GPC6: variants seen among roughly 807,000 people sequenced by gnomAD.
GPC6 encodes the protein glypican 6.
A neutral mutation model predicts 55.2 loss-of-function variants in GPC6; 14 were observed. The observed-to-expected ratio is 0.25, with a 90% confidence interval of 0.17 to 0.40. The LOEUF (loss-of-function observed/expected upper bound fraction) is 0.40, where lower values mean the gene tolerates loss of function less well. Ranked by LOEUF, GPC6 falls within the 10% of genes least tolerant of loss-of-function variation. The probability of loss-of-function intolerance (pLI) is 1.00; values close to 1 mark genes in which losing one functional copy is unlikely to be tolerated. For missense variants in GPC6, 641 were observed against 708.5 expected, an observed-to-expected ratio of 0.90 and a Z score of 1.08; for synonymous variants, 278 against 259.6, an observed-to-expected ratio of 1.07 and a Z score of -0.68.
At chr13:93,997,422 A>C (rs956346035) in intron 3 of GPC6, among the ~76,000 whole-genome samples, 1 of 152,186 alleles carries the variant, frequency 6.6e-6, no homozygotes, top group African/African-American at 2.4e-5. Flanking sequence ...ATTAGTCCCA[A>C]CATAAAATAA....
chr13:93,513,601 A>G (rs1881067329), intron 1 of GPC6, among the ~76,000 whole-genome samples: 1 of 152,190 alleles, frequency 6.6e-6, no homozygotes, highest in African/African-American at 2.4e-5. Flanking sequence ...CTAAAATAAA[A>G]GCCTGGATTT....
chr13:93,524,354 G>A (rs1881565658), intron 1 of GPC6, among the ~76,000 whole-genome samples: 1 of 152,042 alleles, frequency 6.6e-6, no homozygotes, highest in Admixed American at 6.6e-5. Context: ...AACATTGGAA[G>A]TAAGTTGCTT....
At chr13:93,256,477 A>C (rs1022439109) in intron 1 of GPC6, among the ~76,000 whole-genome samples, 2 of 152,118 alleles carry the variant, frequency 1.3e-5, no homozygotes, top group East Asian at 3.9e-4. Flanking sequence ...TATTTGGTAT[A>C]TTTGATTAGT....
At chr13:93,903,008 G>A (rs1190877089) in intron 3 of GPC6, among the ~76,000 whole-genome samples, 6 of 152,142 alleles carry the variant, frequency 3.9e-5, no homozygotes, top group Non-Finnish European at 7.4e-5. Context: ...AAATTGTGCT[G>A]CAAAAACTGG....
intron 2 of GPC6, among the ~76,000 whole-genome samples, chr13:93,573,330 G>T (rs1398729643): frequency 1.3e-5 from 2 of 152,058 alleles, no homozygotes. Flanking sequence ...TATGGATAAT[G>T]TGTAAAGTCA....
At chr13:93,298,755 C>CT (rs970287225) in intron 1 of GPC6, among the ~76,000 whole-genome samples, 2 of 152,006 alleles carry the variant, frequency 1.3e-5, no homozygotes, top group East Asian at 1.9e-4. Context: ...ATGGGTTTCT[C>CT]TGTCTTTTTC....
In GPC6 at chr13:93,276,458, CAGAGAGAG is replaced by C. The variant is rs144297308; in HGVS notation, c.160+48873_160+48880del. On this transcript the variant is annotated intron_variant, in intron 1 of 8. Coordinates refer to ENST00000377047, the MANE Select transcript of GPC6 (RefSeq NM_005708.5). ...GAAATGGCAGAAGCTCTGGCCTTTT[CAGAGAGAG>C]AGAGAGAGAGAGAGAGAGAGAGAGA... Among the ~76,000 whole-genome samples, 537 of 117,504 alleles carry C rather than the reference CAGAGAGAG, an allele frequency of 4.6e-3. 4 individuals carry two copies. Among genetic ancestry groups the C allele is most frequent in the South Asian group, 0.023 (74 of 3,178 alleles). The allele number at this position is 117,504 out of a possible 152,430, so 77.1% of individuals were successfully genotyped here. A position where few individuals can be genotyped will look rare whatever the true frequency, so the allele number is the denominator to read the frequency against.
chr13:94,174,304 A>G (rs1350264028), intron 4 of GPC6, among the ~76,000 whole-genome samples: 1 of 152,170 alleles, frequency 6.6e-6, no homozygotes, highest in Non-Finnish European at 1.5e-5. Context: ...CAAAAGGGGA[A>G]AAAATAAGAA....
intron 4 of GPC6, among the ~76,000 whole-genome samples, chr13:94,194,961 A>G (rs559116955): frequency 2.0e-4 from 30 of 152,198 alleles, no homozygotes; most frequent in African/African-American, 7.2e-4. Context: ...CACACACATA[A>G]CCAAGGGCAA....
chr13:93,918,456 G>GT (rs1410703105), intron 3 of GPC6, among the ~76,000 whole-genome samples: 1 of 148,856 alleles, frequency 6.7e-6, no homozygotes, highest in Non-Finnish European at 1.5e-5. Flanking sequence ...TTAAAAGAAG[G>GT]TTAAAAAAAA....
intron 1 of GPC6, among the ~76,000 whole-genome samples, chr13:93,480,950 TAGTG>T (rs1406953675): frequency 6.6e-6 from 1 of 152,216 alleles, no homozygotes; most frequent in African/African-American, 2.4e-5. Context: ...TCTTCATTTT[TAGTG>T]AGTGAATACC....
chr13:93,409,753 C>G (rs1056930565), intron 1 of GPC6, among the ~76,000 whole-genome samples: 3 of 152,118 alleles, frequency 2.0e-5, no homozygotes, highest in African/African-American at 7.2e-5. Flanking sequence ...ACTTTAAGCT[C>G]TATGTAATTG....
At chr13:93,352,751 C>G (rs1356210538) in intron 1 of GPC6, among the ~76,000 whole-genome samples, 1 of 152,030 alleles carries the variant, frequency 6.6e-6, no homozygotes, top group African/African-American at 2.4e-5. Flanking sequence ...AGATTTTATT[C>G]TAAATAAGAT....
rs546767091 is a variant in GPC6 at position 93,714,364 on chromosome 13, A to C, written c.320-115790A>C. Among the ~76,000 whole-genome samples the C allele has an allele frequency of 1.2e-4, 18 of 152,098 alleles. 1 individual carries two copies. The South Asian group carries it at 3.7e-3, about 32-fold the overall frequency. ...TCATCACTAGTCATCAGAGTACTGC[A>C]CATCAAAACCACAATGAGATACCAT... On this transcript the variant is annotated intron_variant, in intron 2 of 8. Transcript: ENST00000377047.
chr13:94,397,906 A>G (rs1880961554), intron 7 of GPC6, among the ~76,000 whole-genome samples: 1 of 152,106 alleles, frequency 6.6e-6, no homozygotes, highest in Non-Finnish European at 1.5e-5. Context: ...AGGTAATTGA[A>G]TCATGGGGGC....
intron 3 of GPC6, among the ~76,000 whole-genome samples, chr13:93,913,591 A>G (rs1181652634): frequency 6.6e-6 from 1 of 152,128 alleles, no homozygotes; most frequent in African/African-American, 2.4e-5. Flanking sequence ...TGGAACTCCA[A>G]TTTCTGTTAC....
chr13:93,718,945 T>C (rs2138819678), intron 2 of GPC6, among the ~76,000 whole-genome samples: 1 of 152,208 alleles, frequency 6.6e-6, no homozygotes, highest in Non-Finnish European at 1.5e-5. Context: ...GTTCTATATA[T>C]CTGTTTTGGT....
intron 2 of GPC6, among the ~76,000 whole-genome samples, chr13:93,681,858 AT>A (rs1271199230): frequency 6.6e-6 from 1 of 152,138 alleles, no homozygotes; most frequent in Non-Finnish European, 1.5e-5. Flanking sequence ...GTCTTTATCT[AT>A]TGATAAATGC....
At chr13:93,991,745 T>C (rs1168938165) in intron 3 of GPC6, among the ~76,000 whole-genome samples, 3 of 152,162 alleles carry the variant, frequency 2.0e-5, no homozygotes, top group Non-Finnish European at 1.5e-5. Context: ...CTGAGATGTG[T>C]TCTCAAGTTC....
Sources: allele counts gnomAD v4.1 joint callset (sites outside exome capture counted in the v4.1 genomes callset), GRCh38; gene constraint gnomAD v4.1.1; transcripts MANE v1.5; gene names NCBI Gene and HGNC (gene_info 2026-07-23, HGNC 2026-07-21).